The following SLC39A11 variants were observed in gnomAD, a reference collection of about 807,000 sequenced individuals.
The protein encoded by SLC39A11 is zinc transporter ZIP11.
Under a neutral mutation model 36.1 loss-of-function variants are expected in SLC39A11, and 33 were observed. That is an observed-to-expected ratio of 0.91 (90% CI 0.69 to 1.22). The LOEUF is 1.22. Among genes scored for constraint, SLC39A11 ranks in the 50% most tolerant of loss-of-function variants. The pLI is 0.00. For missense variants in SLC39A11, 432 were observed against 430.3 expected (o/e 1.00, Z -0.03); for synonymous variants, 166 against 170.3 (o/e 0.97, Z 0.20).
intron 4 of SLC39A11, among the ~76,000 whole-genome samples, chr17:72,956,047 T>C (rs1445187851): frequency 6.6e-6 from 1 of 152,076 alleles, no homozygotes; most frequent in Non-Finnish European, 1.5e-5. Context: ...CTGGCATAAA[T>C]AGTCAGAGTG....
intron 4 of SLC39A11, among the ~76,000 whole-genome samples, chr17:73,022,813 G>A (rs2058396950): frequency 6.6e-6 from 1 of 152,040 alleles, no homozygotes; most frequent in South Asian, 2.1e-4. Context: ...TGGTACCCAG[G>A]ACAGCCTGAA....
chr17:72,883,537 G>A (rs542332183), intron 5 of SLC39A11, among the ~76,000 whole-genome samples: 16 of 151,840 alleles, frequency 1.1e-4, no homozygotes, highest in South Asian at 8.3e-4. Context: ...TTAATTACAC[G>A]GAATCTGGGA....
At chr17:72,964,175 C>T (rs899408779) in intron 4 of SLC39A11, among the ~76,000 whole-genome samples, 13 of 152,204 alleles carry the variant, frequency 8.5e-5, no homozygotes, top group African/African-American at 2.4e-4. Context: ...GACTCTGATC[C>T]TCCAGTGCTG....
At chr17:73,074,454 C>G (rs796470647) in intron 3 of SLC39A11, among the ~76,000 whole-genome samples, 1 of 152,004 alleles carries the variant, frequency 6.6e-6, no homozygotes, top group Non-Finnish European at 1.5e-5. Flanking sequence ...CCCACCACCA[C>G]GCCCGGCTAA....
intron 7 of SLC39A11, among the ~76,000 whole-genome samples, chr17:72,668,941 G>A (rs371266474): frequency 3.9e-5 from 6 of 152,326 alleles, no homozygotes; most frequent in East Asian, 1.9e-4. Context: ...TGGAGATTAA[G>A]GAGATGGGAC....
At chr17:72,741,744 C>T (rs2074714797) in intron 6 of SLC39A11, among the ~76,000 whole-genome samples, 1 of 152,140 alleles carries the variant, frequency 6.6e-6, no homozygotes, top group Admixed American at 6.5e-5. Flanking sequence ...CTGAGAGACA[C>T]AGGTGGGTTC....
chr17:72,703,531 A>G (rs2072746423), intron 7 of SLC39A11, among the ~76,000 whole-genome samples: 2 of 152,190 alleles, frequency 1.3e-5, no homozygotes, highest in South Asian at 2.1e-4. Context: ...TGTCACCCAC[A>G]TTCTTTGTCT....
chr17:72,944,033 C>G (rs973311294), intron 5 of SLC39A11, among the ~76,000 whole-genome samples: 5 of 152,172 alleles, frequency 3.3e-5, no homozygotes, highest in African/African-American at 1.2e-4. Context: ...CACCCCATGA[C>G]AGGATCCAAT....
chr17:72,663,900 T>G (rs923178812), intron 7 of SLC39A11: 2 of 152,744 alleles, frequency 1.3e-5, no homozygotes, highest in African/African-American at 4.8e-5. Flanking sequence ...TTCCAGAATT[T>G]TAGTGCTTTC....
intron 6 of SLC39A11, among the ~76,000 whole-genome samples, chr17:72,805,915 AT>A (rs925407102): frequency 2.0e-5 from 3 of 151,382 alleles, no homozygotes; most frequent in African/African-American, 4.9e-5. Context: ...TGCCCAGCTA[AT>A]TTTTTTTTGT....
intron 6 of SLC39A11, among the ~76,000 whole-genome samples, chr17:72,784,894 C>G (rs1486764208): frequency 6.9e-6 from 1 of 144,612 alleles, no homozygotes; most frequent in South Asian, 2.2e-4. Flanking sequence ...GAATCTCGCT[C>G]TGTCGCCCAG....
chr17:73,069,809 G>A (rs2060106747), intron 3 of SLC39A11, among the ~76,000 whole-genome samples: 1 of 152,154 alleles, frequency 6.6e-6, no homozygotes, highest in Non-Finnish European at 1.5e-5. Context: ...AGATGCATAA[G>A]AAAAATGATG....
intron 7 of SLC39A11, among the ~76,000 whole-genome samples, chr17:72,674,986 A>ATG (rs10684358): frequency 0.72 from 108,488 of 150,298 alleles, 39,345 homozygotes; most frequent in South Asian, 0.79. Flanking sequence ...GTGTGTGCGT[A>ATG]TGTGTGTGTG....
chr17:72,712,128 T>C (rs1026204673), intron 7 of SLC39A11, among the ~76,000 whole-genome samples: 1 of 152,182 alleles, frequency 6.6e-6, no homozygotes, highest in Admixed American at 6.5e-5. Context: ...GACTCAAAGT[T>C]GTTGTCATTA....
At chr17:72,900,691 T>C (rs763185822) in intron 5 of SLC39A11, among the ~76,000 whole-genome samples, 162 of 152,084 alleles carry the variant, frequency 1.1e-3, no homozygotes, top group Non-Finnish European at 2.0e-3. Context: ...GAGGAAATAG[T>C]GGTAAGTAAC....
chr17:72,717,169 A>T (rs1462006838), intron 7 of SLC39A11, among the ~76,000 whole-genome samples: 8 of 148,664 alleles, frequency 5.4e-5, no homozygotes, highest in East Asian at 3.9e-4. Flanking sequence ...CATATATATA[A>T]AAATAAAAAT....
At chr17:72,701,226 T>C (rs757553346) in intron 7 of SLC39A11, among the ~76,000 whole-genome samples, 1 of 152,196 alleles carries the variant, frequency 6.6e-6, no homozygotes, top group African/African-American at 2.4e-5. Flanking sequence ...GACCTGGAAT[T>C]TCGCCTGAAG....
intron 4 of SLC39A11, among the ~76,000 whole-genome samples, chr17:73,006,128 A>C (rs2090165929): frequency 6.6e-6 from 1 of 152,274 alleles, no homozygotes; most frequent in East Asian, 1.9e-4. Flanking sequence ...AAATACTCAG[A>C]CAGCCAATGT....
intron 6 of SLC39A11, among the ~76,000 whole-genome samples, chr17:72,770,051 T>C (rs2075882492): frequency 6.6e-6 from 1 of 152,184 alleles, no homozygotes; most frequent in African/African-American, 2.4e-5. Context: ...AAAACCAAAC[T>C]GTGCCCTGAC....
Sources: allele counts gnomAD v4.1 joint callset (sites outside exome capture counted in the v4.1 genomes callset), GRCh38; gene constraint gnomAD v4.1.1; transcripts MANE v1.5; gene names NCBI Gene and HGNC (gene_info 2026-07-23, HGNC 2026-07-21).